Variants in CSMD1 observed in about 807,000 individuals in gnomAD.
CSMD1 encodes CUB and sushi domain-containing protein 1.
A neutral mutation model predicts 417.5 loss-of-function variants in CSMD1; 213 were observed. That is an observed-to-expected ratio of 0.51 (90% CI 0.46 to 0.57). The LOEUF is 0.57. Ranked by LOEUF, CSMD1 falls within the 20% of genes least tolerant of loss-of-function variation. The probability of loss-of-function intolerance (pLI) is 0.00; values close to 1 mark genes in which losing one functional copy is unlikely to be tolerated. For missense variants in CSMD1, 6,923 were observed against 4,529.7 expected (o/e 1.53, Z -15.17); for synonymous variants, 2,862 against 1,736.8 (o/e 1.65, Z -16.11).
At chr8:3,523,172 G>A (rs766083558) in intron 10 of CSMD1, among the ~76,000 whole-genome samples, 3 of 151,990 alleles carry the variant, frequency 2.0e-5, no homozygotes, top group East Asian at 3.9e-4. Context: ...AGTAGATGCT[G>A]GGCTACTTGG....
chr8:3,191,990 G>C (rs779307123), intron 33 of CSMD1, among the ~76,000 whole-genome samples: 4 of 152,070 alleles, frequency 2.6e-5, no homozygotes, highest in Non-Finnish European at 4.4e-5. Context: ...TGACACACTG[G>C]AATCTGTTTT....
intron 2 of CSMD1, among the ~76,000 whole-genome samples, chr8:4,601,135 A>C (rs1227680543): frequency 6.6e-6 from 1 of 152,064 alleles, no homozygotes; most frequent in East Asian, 1.9e-4. Context: ...TTGTATTTTT[A>C]GTAGTGATAG....
intron 4 of CSMD1, among the ~76,000 whole-genome samples, chr8:4,000,789 T>C (rs979656092): frequency 6.6e-6 from 1 of 152,082 alleles, no homozygotes; most frequent in Non-Finnish European, 1.5e-5. Context: ...GAATTCATTA[T>C]ATACTACAAA....
At chr8:3,735,627 T>G (rs1242227319) in intron 6 of CSMD1, among the ~76,000 whole-genome samples, 2 of 152,322 alleles carry the variant, frequency 1.3e-5, no homozygotes, top group East Asian at 3.9e-4. Flanking sequence ...CAGGTAAGTC[T>G]GAATCTCTTG....
At chr8:4,119,584 G>C (rs1802362777) in intron 3 of CSMD1, among the ~76,000 whole-genome samples, 1 of 37,414 alleles carries the variant, frequency 2.7e-5, no homozygotes, top group African/African-American at 9.6e-5. Flanking sequence ...TAATAGTAGT[G>C]TTCTTCTATC....
chr8:4,659,239 G>A (rs1353750393), intron 1 of CSMD1, among the ~76,000 whole-genome samples: 1 of 148,900 alleles, frequency 6.7e-6, no homozygotes, highest in African/African-American at 2.5e-5. Context: ...GAAATGCATA[G>A]CTGCAAATAC....
At chr8:3,855,035 G>A (rs936025893) in intron 5 of CSMD1, among the ~76,000 whole-genome samples, 10 of 152,046 alleles carry the variant, frequency 6.6e-5, no homozygotes, top group African/African-American at 1.9e-4. Context: ...ACAAAAACAT[G>A]CATATGCAGA....
intron 2 of CSMD1, among the ~76,000 whole-genome samples, chr8:4,427,763 G>A (rs1375079570): frequency 6.6e-6 from 1 of 151,968 alleles, no homozygotes; most frequent in Non-Finnish European, 1.5e-5. Context: ...TCTCTCAATA[G>A]AAACTTCAAT....
chr8:4,607,056 A>G (rs914608079), intron 2 of CSMD1, among the ~76,000 whole-genome samples: 5 of 152,174 alleles, frequency 3.3e-5, no homozygotes, highest in African/African-American at 1.2e-4. Context: ...CTCTTCAACC[A>G]TATTATTTTT....
At chr8:4,379,436 T>G (rs1802961471) in intron 3 of CSMD1, among the ~76,000 whole-genome samples, 2 of 152,162 alleles carry the variant, frequency 1.3e-5, no homozygotes, top group South Asian at 4.1e-4. Flanking sequence ...AAGCCTGCAG[T>G]TTAGTTAATA....
At chr8:3,494,561 T>TAGATAGAC (rs1796281570) in intron 10 of CSMD1, among the ~76,000 whole-genome samples, 1 of 45,874 alleles carries the variant, frequency 2.2e-5, no homozygotes, top group South Asian at 5.7e-4. Context: ...AGATGATAGA[T>TAGATAGAC]AGATAGATAG....
intron 7 of CSMD1, among the ~76,000 whole-genome samples, chr8:3,634,135 G>A (rs1000721264): frequency 6.6e-6 from 1 of 152,206 alleles, no homozygotes; most frequent in African/African-American, 2.4e-5. Context: ...ATGCTGGGAA[G>A]TAGCCTCTAA....
chr8:4,491,760 T>A (rs754846216), intron 2 of CSMD1, among the ~76,000 whole-genome samples: 8 of 152,128 alleles, frequency 5.3e-5, no homozygotes, highest in Non-Finnish European at 1.2e-4. Context: ...GAAGGCTCAC[T>A]CACTGCTGGT....
intron 3 of CSMD1, among the ~76,000 whole-genome samples, chr8:4,107,726 T>C (rs1020544287): frequency 1.3e-5 from 2 of 152,024 alleles, no homozygotes; most frequent in African/African-American, 4.8e-5. Flanking sequence ...TCAGATGCTG[T>C]GATTAAAGGG....
chr8:3,991,852 C>A (rs977797538), intron 5 of CSMD1, among the ~76,000 whole-genome samples: 1 of 152,134 alleles, frequency 6.6e-6, no homozygotes, highest in African/African-American at 2.4e-5. Context: ...TATTTAACTA[C>A]TTTGAAGCCT....
At chr8:4,431,107 C>G (rs1272061510) in intron 2 of CSMD1, among the ~76,000 whole-genome samples, 3 of 152,102 alleles carry the variant, frequency 2.0e-5, no homozygotes, top group African/African-American at 4.8e-5. Context: ...TAATCTTAAA[C>G]AGACCACATG....
chr8:3,901,521 G>C (rs1000178829), intron 5 of CSMD1, among the ~76,000 whole-genome samples: 5 of 152,276 alleles, frequency 3.3e-5, no homozygotes, highest in Non-Finnish European at 7.4e-5. Flanking sequence ...GCCACGCTTT[G>C]GAACATGTAC....
chr8:3,199,195 A>T (rs994128806), intron 33 of CSMD1, among the ~76,000 whole-genome samples: 4 of 152,226 alleles, frequency 2.6e-5, no homozygotes, highest in African/African-American at 9.6e-5. Flanking sequence ...AAAGTACCCA[A>T]AGTTAATAAA....
chr8:4,352,304 G>A (rs1029802704), intron 3 of CSMD1, among the ~76,000 whole-genome samples: 7 of 152,108 alleles, frequency 4.6e-5, no homozygotes, highest in African/African-American at 1.2e-4. Context: ...TTAGAAAATA[G>A]AACTATCTAT....
Sources: allele counts gnomAD v4.1 joint callset (sites outside exome capture counted in the v4.1 genomes callset), GRCh38; gene constraint gnomAD v4.1.1; transcripts MANE v1.5; gene names NCBI Gene and HGNC (gene_info 2026-07-23, HGNC 2026-07-21).